Variants in GDF6 observed in about 807,000 individuals in gnomAD.
GDF6 encodes growth differentiation factor 6, also known as growth/differentiation factor 6.
In GDF6, 3 loss-of-function variants were observed where a neutral mutation model predicts 32.4. That is an observed-to-expected ratio of 0.09 (90% CI 0.04 to 0.24). The LOEUF is 0.24. Ranked by LOEUF, GDF6 falls within the 10% of genes least tolerant of loss-of-function variation. The pLI, the probability that GDF6 is intolerant of heterozygous loss-of-function variation, is 1.00. For missense variants in GDF6, 589 were observed against 637.9 expected (o/e 0.92, Z 0.83); for synonymous variants, 296 against 295.3 (o/e 1.00, Z -0.03).
At chr8:96,147,383 CTG>C (rs780975545) in intron 1 of GDF6, among the ~76,000 whole-genome samples, 1 of 152,338 alleles carries the variant, frequency 6.6e-6, no homozygotes, top group East Asian at 1.9e-4. Context: ...TCAAAGAAAC[CTG>C]TGTCTGACAA....
At chr8:96,155,104 C>G (rs1812637013) in intron 1 of GDF6, among the ~76,000 whole-genome samples, 1 of 152,178 alleles carries the variant, frequency 6.6e-6, no homozygotes, top group Non-Finnish European at 1.5e-5. Context: ...GCAGAAACCA[C>G]AAGGATGTTT....
rs891380556 is a variant in GDF6, at chr8:96,143,438, G to A, written c.*1125C>T. On this transcript the variant is annotated 3_prime_UTR_variant, in exon 2 of 2. Transcript: ENST00000287020. ...TCCCTTGATCCCCATCCTCCCTGAG[G>A]CCCACCATCTTCCCTCCTGATGGGA... The A allele has an allele frequency of 1.6e-4, 24 of 152,524 alleles. No homozygotes were observed. Among genetic ancestry groups the A allele is most frequent in the African/African-American group, 5.8e-4 (24 of 41,354 alleles). 9.4% of individuals were successfully genotyped at this position (152,524 alleles called of 1,614,324 possible). A position where few individuals can be genotyped will look rare whatever the true frequency, so the allele number is the denominator to read the frequency against.
intron 1 of GDF6, among the ~76,000 whole-genome samples, chr8:96,158,108 G>C (rs1217909961): frequency 6.6e-6 from 1 of 152,212 alleles, no homozygotes; most frequent in Non-Finnish European, 1.5e-5. Flanking sequence ...TGAAGATGCT[G>C]TCCGGGTGGT....
At position 96,145,075 on chromosome 8, in the gene GDF6, G is replaced by A. The variant is rs1303995573; in HGVS notation, c.856C>T (p.Arg286Cys). The change falls in exon 2 of 2, where the codon CGC (arginine) becomes TGC (cysteine). Residue 286 changes from arginine to cysteine, a missense_variant. Coordinates refer to ENST00000287020, the MANE Select transcript of GDF6 (RefSeq NM_001001557.4). The surrounding 1 kb of genome is among the most constrained non-coding windows in gnomAD (Gnocchi z 5.6). ...CGCATCTCTGCGAACAGGTTCTTGC[G>A]CTGGGATCTGGTGAATACCACCAGC... is the stretch of plus-strand genomic sequence containing the variant. ...ALLVVFTRSQ[R>C]KNLFAEMREQ... 1 of 1,510,078 alleles carries A rather than the reference G, an allele frequency of 6.6e-7. No individual in the cohort carries two copies. 93.5% of individuals were successfully genotyped at this position (1,510,078 alleles called of 1,614,324 possible). A position where few individuals can be genotyped will look rare whatever the true frequency, so the allele number is the denominator to read the frequency against.
At chr8:96,157,632 C>T (rs992797822) in intron 1 of GDF6, among the ~76,000 whole-genome samples, 4 of 152,182 alleles carry the variant, frequency 2.6e-5, no homozygotes, top group Non-Finnish European at 5.9e-5. Flanking sequence ...AGGCCGTCCA[C>T]GCGTTGGGGG....
In GDF6 at chr8:96,144,734, G is replaced by A; in HGVS notation, c.1197C>T (p.Asn399=). 6.2e-7 allele frequency: 1 copy of A among 1,614,186 alleles called. No individual in the cohort carries two copies. The highest frequency in any genetic ancestry group is 8.5e-7 in the Non-Finnish European group (1 of 1,180,024). ...TCATCAGCGTCTGGATGATGGCGTG[G>A]TTGGTGGGCTCCAGGTGCGAGCGCA... ...FPLRSHLEPT[N]HAIIQTLMNS... Residue 399 remains asparagine, a synonymous_variant, in exon 2 of 2, where the codon AAC becomes AAT. Coordinates refer to ENST00000287020, the MANE Select transcript of GDF6 (RefSeq NM_001001557.4). The surrounding 1 kb of genome is among the most constrained non-coding windows in gnomAD (Gnocchi z 5.1).
Position 96,144,383 on chromosome 8 carries a change from G to C in GDF6, c.*180C>G. The C allele has an allele frequency of 1.5e-6, 1 of 673,820 alleles. No individual in the cohort carries two copies. Among genetic ancestry groups the C allele is most frequent in the East Asian group, 2.8e-5 (1 of 36,308 alleles). The allele number at this position is 673,820 out of a possible 1,614,324, so 41.7% of individuals were successfully genotyped here. ...ATATTTCCCTCTGGGCTGGCAGGTA[G>C]AAGTTACTGGGAAGGCTGCGCTCCC... On this transcript the variant is annotated 3_prime_UTR_variant, in exon 2 of 2. Coordinates refer to ENST00000287020, the MANE Select transcript of GDF6 (RefSeq NM_001001557.4). The surrounding 1 kb of genome is among the most constrained non-coding windows in gnomAD (Gnocchi z 5.1).
intron 1 of GDF6, among the ~76,000 whole-genome samples, chr8:96,149,005 C>G (rs1812526961): frequency 6.6e-6 from 1 of 152,244 alleles, no homozygotes; most frequent in South Asian, 2.1e-4. Context: ...CCTGAAGACA[C>G]TTTGCCTGCT....
rs1812429078 is a variant in GDF6 at position 96,144,311 on chromosome 8, C to A, written c.*252G>T. ...GAGAGAAAACAGAACAAAAGAAATC[C>A]TCCTTGGCTTGTTTTTCCAGGGTGG... On this transcript the variant is annotated 3_prime_UTR_variant, in exon 2 of 2. Transcript: ENST00000287020. The surrounding 1 kb of genome is among the most constrained non-coding windows in gnomAD (Gnocchi z 5.1). 2.3e-6 allele frequency: 1 copy of A among 441,050 alleles called. No individual in the cohort carries two copies. The highest frequency in any genetic ancestry group is 2.2e-5 in the African/African-American group (1 of 44,734). The allele number at this position is 441,050 out of a possible 1,614,324, so 27.3% of individuals were successfully genotyped here.
chr8:96,154,096 G>T (rs964908164), intron 1 of GDF6, among the ~76,000 whole-genome samples: 3 of 152,078 alleles, frequency 2.0e-5, no homozygotes, highest in Admixed American at 6.5e-5. Context: ...ATGTTATTAA[G>T]GGATGCCCTC....
intron 1 of GDF6, among the ~76,000 whole-genome samples, chr8:96,146,701 C>CAGAGAG (rs771624365): frequency 1.5e-5 from 2 of 129,696 alleles, no homozygotes; most frequent in African/African-American, 6.8e-5. Context: ...CACACACACA[C>CAGAGAG]ACACACAGAG....
intron 1 of GDF6, among the ~76,000 whole-genome samples, chr8:96,149,717 T>C (rs933994460): frequency 2.6e-5 from 4 of 152,164 alleles, no homozygotes. Flanking sequence ...TAATTACCAT[T>C]GCACCCATTT....
At chr8:96,150,198 C>T (rs952707787) in intron 1 of GDF6, among the ~76,000 whole-genome samples, 5 of 152,216 alleles carry the variant, frequency 3.3e-5, no homozygotes, top group African/African-American at 1.2e-4. Context: ...TGACTTTGGG[C>T]TCCACGAGAT....
At chr8:96,159,712 C>CG (rs1338326911) in intron 1 of GDF6, among the ~76,000 whole-genome samples, 1 of 152,218 alleles carries the variant, frequency 6.6e-6, no homozygotes, top group African/African-American at 2.4e-5. Context: ...GGCTCCAGCC[C>CG]GGCTGACCAT....
intron 1 of GDF6, among the ~76,000 whole-genome samples, chr8:96,154,083 C>T (rs139666345): frequency 0.019 from 2,879 of 152,200 alleles, 83 homozygotes; most frequent in East Asian, 0.073. Flanking sequence ...CTCCTGGGCT[C>T]CTATGTTATT....
At chr8:96,159,174 T>C (rs1050983271) in intron 1 of GDF6, among the ~76,000 whole-genome samples, 4 of 152,220 alleles carry the variant, frequency 2.6e-5, no homozygotes, top group African/African-American at 9.6e-5. Flanking sequence ...GAGGAGTGGA[T>C]ATCTGCCTAA....
At chr8:96,160,087 G>A (rs1563514767) in intron 1 of GDF6, among the ~76,000 whole-genome samples, 200 bp downstream of exon 1, 1 of 152,272 alleles carries the variant, frequency 6.6e-6, no homozygotes, top group East Asian at 1.9e-4. Context: ...GGGGGGAAAG[G>A]AAGGGAGGTT....
rs778071820 is a variant in GDF6 at position 96,160,663 on chromosome 8, G to T, written c.30C>A (p.Ala10=). 27 of 1,613,616 alleles carry T rather than the reference G, an allele frequency of 1.7e-5. 1 individual carries two copies. The South Asian group carries it at 2.9e-4, about 17-fold the overall frequency. The change falls in exon 1 of 2, where the codon GCC becomes GCA. Residue 10 remains alanine, a synonymous_variant. Coordinates refer to ENST00000287020, the MANE Select transcript of GDF6 (RefSeq NM_001001557.4). MDTPRVLLS[A]VFLISFLWDL... ...CCCACAGAAAACTGATGAGGAAGAC[G>T]GCCGAGAGCAGGACCCTGGGAGTAT...
intron 1 of GDF6, among the ~76,000 whole-genome samples, chr8:96,149,057 G>T (rs915282091): frequency 4.6e-5 from 7 of 152,182 alleles, no homozygotes; most frequent in Non-Finnish European, 8.8e-5. Context: ...CAGCTGCCAT[G>T]AGCCATCTGT....
Sources: gnomAD v4.1 joint callset for allele counts (sites outside exome capture counted in the v4.1 genomes callset) on GRCh38, gnomAD v4.1.1 for gene constraint, Gnocchi (gnomAD v3.1) non-coding constraint, MANE v1.5 for transcripts, NCBI Gene and HGNC (gene_info 2026-07-23, HGNC 2026-07-21) for gene names.